TMEFF2: variants seen among roughly 807,000 people sequenced by gnomAD.
TMEFF2 encodes tomoregulin-2.
A neutral mutation model predicts 53.8 loss-of-function variants in TMEFF2; 28 were observed. That is an observed-to-expected ratio of 0.52 (90% confidence interval 0.39 to 0.71). The LOEUF is 0.71. Ranked by LOEUF, TMEFF2 falls within the 30% of genes least tolerant of loss-of-function variation. The pLI is 0.00. For missense variants in TMEFF2, 353 were observed against 455.2 expected, an observed-to-expected ratio of 0.78 and a Z score of 2.04; for synonymous variants, 162 against 166.3, an observed-to-expected ratio of 0.97 and a Z score of 0.20.
chr2:191,956,665 C>G (rs1255827005), intron 7 of TMEFF2, among the ~76,000 whole-genome samples: 13 of 152,096 alleles, frequency 8.5e-5, no homozygotes, highest in Non-Finnish European at 1.5e-4. Flanking sequence ...TTTAATTTTC[C>G]TCACATAGGG....
chr2:192,089,479 G>A (rs1688739906), intron 4 of TMEFF2, among the ~76,000 whole-genome samples: 2 of 151,926 alleles, frequency 1.3e-5, no homozygotes, highest in Admixed American at 1.3e-4. Context: ...TTTTGAGTGG[G>A]TCTTAAAGTC....
chr2:192,092,921 A>G (rs1010868718), intron 4 of TMEFF2, among the ~76,000 whole-genome samples: 3 of 152,114 alleles, frequency 2.0e-5, no homozygotes, highest in Non-Finnish European at 4.4e-5. Flanking sequence ...TGTAAGATTC[A>G]TTTTGGACTT....
intron 7 of TMEFF2, among the ~76,000 whole-genome samples, chr2:191,989,976 A>C (rs185791664): frequency 2.0e-5 from 3 of 152,116 alleles, no homozygotes; most frequent in African/African-American, 7.2e-5. Context: ...TGTATATTCT[A>C]CCCTCCTCCC....
rs60273464 is a variant in TMEFF2 at position 192,193,753 on chromosome 2, T to TAGAG, written c.172+599_172+600insCTCT. On this transcript the variant is annotated intron_variant, in intron 1 of 9. Transcript: ENST00000272771. ...GAAGGGAATGAGAGAGAGAGAGAGA[T>TAGAG]AGATAGATAGAGAGAGAGAGAGAGA... Among the ~76,000 whole-genome samples, 1,129 of 122,684 alleles carry TAGAG rather than the reference T, an allele frequency of 9.2e-3. 81 individuals carry two copies. Among genetic ancestry groups the TAGAG allele is most frequent in the Non-Finnish European group, 0.015 (856 of 57,250 alleles). 80.5% of individuals were successfully genotyped at this position (122,684 alleles called of 152,430 possible).
chr2:192,075,303 A>ATT (rs1688391483), intron 4 of TMEFF2, among the ~76,000 whole-genome samples: 10 of 44,398 alleles, frequency 2.3e-4, no homozygotes, highest in African/African-American at 7.1e-4. Flanking sequence ...ATATATATAT[A>ATT]TATATATATA....
At chr2:192,113,494 T>A (rs991027913) in intron 4 of TMEFF2, among the ~76,000 whole-genome samples, 1 of 152,142 alleles carries the variant, frequency 6.6e-6, no homozygotes, top group South Asian at 2.1e-4. Context: ...ATAGAACATA[T>A]TTTTGTTTGG....
intron 4 of TMEFF2, among the ~76,000 whole-genome samples, chr2:192,071,040 G>A (rs1393732478): frequency 6.6e-6 from 1 of 151,818 alleles, no homozygotes; most frequent in Non-Finnish European, 1.5e-5. Context: ...TTTCCCTACT[G>A]AGCGAATGCT....
At position 192,194,185 on chromosome 2, in the gene TMEFF2, G is replaced by A. The variant is rs533657094; in HGVS notation, c.172+168C>T. 3.3e-5 allele frequency among the ~76,000 whole-genome samples: 5 copies of A among 152,234 alleles called. No homozygotes were observed. The South Asian group carries it at 1.0e-3, about 32-fold the overall frequency. On this transcript the variant is annotated intron_variant, in intron 1 of 9. Coordinates refer to ENST00000272771, the MANE Select transcript of TMEFF2 (RefSeq NM_016192.4). The surrounding 1 kb of genome is among the most constrained non-coding windows in gnomAD (Gnocchi z 4.2). ...TCCCAGAACCACCCCTCACCCCCGG[G>A]CCTGCAACAGTTCCCCTTGTTTCTC...
chr2:191,953,564 T>G, intron 9 of TMEFF2, 115 bp downstream of exon 9: 7 of 1,159,542 alleles, frequency 6.0e-6, no homozygotes, highest in Non-Finnish European at 8.5e-6. Flanking sequence ...ATAGGACTCA[T>G]AGAGAATGGA....
intron 3 of TMEFF2, among the ~76,000 whole-genome samples, chr2:192,181,220 A>G (rs1318489181): frequency 1.3e-5 from 2 of 151,744 alleles, no homozygotes; most frequent in Non-Finnish European, 3.0e-5. Flanking sequence ...CTTTTTGTAT[A>G]CTTTCACAGA....
chr2:191,969,088 T>C (rs1443871558), intron 7 of TMEFF2, among the ~76,000 whole-genome samples: 1 of 151,502 alleles, frequency 6.6e-6, no homozygotes, highest in African/African-American at 2.4e-5. Context: ...TATATATATA[T>C]ATATATGTTT....
intron 4 of TMEFF2, among the ~76,000 whole-genome samples, chr2:192,095,999 A>T (rs2105938986): frequency 6.6e-6 from 1 of 152,274 alleles, no homozygotes; most frequent in Admixed American, 6.5e-5. Flanking sequence ...GTCTTCTGTT[A>T]TTACCCTTTA....
At chr2:192,130,416 C>T (rs887856667) in intron 4 of TMEFF2, among the ~76,000 whole-genome samples, 5 of 152,110 alleles carry the variant, frequency 3.3e-5, no homozygotes, top group Non-Finnish European at 5.9e-5. Flanking sequence ...GTCAAGCCAT[C>T]GCATCCCCTG....
chr2:192,037,328 A>AGAAG (rs1491417820), intron 5 of TMEFF2, among the ~76,000 whole-genome samples: 3 of 150,022 alleles, frequency 2.0e-5, no homozygotes, highest in African/African-American at 5.0e-5. Flanking sequence ...AAAGAAAGAA[A>AGAAG]GAAAGAAAAA....
At chr2:192,022,333 A>G (rs1054834486) in intron 5 of TMEFF2, among the ~76,000 whole-genome samples, 3 of 152,210 alleles carry the variant, frequency 2.0e-5, no homozygotes, top group Non-Finnish European at 4.4e-5. Flanking sequence ...TATGTGGTCC[A>G]GTTTGTCCTT....
chr2:191,964,260 CTTTCTTTTCTTT>C lies in TMEFF2; in HGVS notation c.746-7894_746-7883del, dbSNP rs1444456158. Reference sequence around the variant, plus strand: ...TCCTTCCTTCCTTCCTTCCTTCCTCCTTTCTTTTCTTTTTTCTTTTCCTTTTCCTTCTTTCCT... The same window carrying C: ...TCCTTCCTTCCTTCCTTCCTTCCTCCTTTCTTTTCCTTTTCCTTCTTTCCT... On this transcript the variant is annotated intron_variant, in intron 7 of 9. Transcript: ENST00000272771. Among the ~76,000 whole-genome samples the C allele has an allele frequency of 1.5e-3, 22 of 14,572 alleles. 1 individual carries two copies. Among genetic ancestry groups the C allele is most frequent in the Non-Finnish European group, 0.01 (15 of 1,464 alleles). 9.6% of individuals were successfully genotyped at this position (14,572 alleles called of 152,430 possible).
intron 3 of TMEFF2, among the ~76,000 whole-genome samples, chr2:192,184,049 C>T (rs561606314): frequency 3.3e-5 from 5 of 152,034 alleles, no homozygotes; most frequent in East Asian, 1.9e-4. Context: ...ATATTTGGCA[C>T]GTTGGCAGTC....
chr2:192,122,630 T>G (rs1689583329), intron 4 of TMEFF2, among the ~76,000 whole-genome samples: 1 of 152,138 alleles, frequency 6.6e-6, no homozygotes, highest in Non-Finnish European at 1.5e-5. Flanking sequence ...AGTCTGTTTA[T>G]GAAATTAACC....
intron 7 of TMEFF2, among the ~76,000 whole-genome samples, chr2:191,960,357 A>G (rs1692237095): frequency 6.6e-6 from 1 of 152,212 alleles, no homozygotes; most frequent in Admixed American, 6.5e-5. Flanking sequence ...TGTAGCCTTC[A>G]CATTGGAATG....
Sources: allele counts gnomAD v4.1 joint callset (sites outside exome capture counted in the v4.1 genomes callset), GRCh38; gene constraint gnomAD v4.1.1; non-coding constraint Gnocchi (gnomAD v3.1); transcripts MANE v1.5; gene names NCBI Gene and HGNC (gene_info 2026-07-23, HGNC 2026-07-21).